FAM13B: variants seen among roughly 807,000 people sequenced by gnomAD.
FAM13B encodes family with sequence similarity 13 member B.
A neutral mutation model predicts 117.3 loss-of-function variants in FAM13B; 60 were observed. The observed-to-expected ratio is 0.51, with a 90% CI of 0.42 to 0.63. The LOEUF (loss-of-function observed/expected upper bound fraction) is 0.63, where lower values mean the gene tolerates loss of function less well. FAM13B is among the 30% of genes least tolerant of loss of function. The pLI is 0.00. For synonymous variants in FAM13B, 332 were observed against 356.1 expected (o/e 0.93, Z 0.76); for missense variants, 972 against 1,091.9 (o/e 0.89, Z 1.55).
chr5:138,037,639 T>A (rs1206818203), upstream of FAM13B, among the ~76,000 whole-genome samples: 1 of 152,122 alleles, frequency 6.6e-6, no homozygotes, highest in Non-Finnish European at 1.5e-5. Flanking sequence ...GTTGAGCCCT[T>A]CCCTTGCACC....
intron 6 of FAM13B, among the ~76,000 whole-genome samples, chr5:138,010,573 C>A (rs1581243788): frequency 6.6e-6 from 1 of 152,120 alleles, no homozygotes; most frequent in South Asian, 2.1e-4. Flanking sequence ...CCATTAGTGA[C>A]AATTATACTA....
At chr5:137,969,471 A>G (rs1771304846) in intron 10 of FAM13B, among the ~76,000 whole-genome samples, 1 of 152,252 alleles carries the variant, frequency 6.6e-6, no homozygotes, top group African/African-American at 2.4e-5. Flanking sequence ...CATCACCATC[A>G]TCAAAGGCCA....
At chr5:137,945,082 A>AC (rs1763082116) in intron 20 of FAM13B, among the ~76,000 whole-genome samples, 1 of 151,874 alleles carries the variant, frequency 6.6e-6, no homozygotes, top group Non-Finnish European at 1.5e-5. Context: ...CTGCACATAT[A>AC]CCCCTTGAAT....
At chr5:138,020,563 T>C (rs1786458018) in intron 2 of FAM13B, among the ~76,000 whole-genome samples, 1 of 152,122 alleles carries the variant, frequency 6.6e-6, no homozygotes, top group Admixed American at 6.5e-5. Context: ...AATAAACACA[T>C]TACACATTTA....
At chr5:138,051,458 T>C (rs1003643182) in intron 1 of FAM13B, among the ~76,000 whole-genome samples, 3 of 152,194 alleles carry the variant, frequency 2.0e-5, no homozygotes, top group Non-Finnish European at 4.4e-5. Flanking sequence ...AAAAGGGACT[T>C]TATGTATATT....
intron 18 of FAM13B, 34 bp from the exon 19 acceptor site, chr5:137,946,345 A>G: frequency 7.0e-7 from 1 of 1,429,336 alleles, no homozygotes; most frequent in Non-Finnish European, 9.5e-7. Context: ...CAAAATACAA[A>G]AAAAAAAAAA....
Position 137,985,325 on chromosome 5 carries a change from C to A in FAM13B, c.1111G>T (p.Ala371Ser). 1 of 1,613,794 alleles carries A rather than the reference C, an allele frequency of 6.2e-7. No homozygotes were observed. The highest frequency in any genetic ancestry group is 8.5e-7 in the Non-Finnish European group (1 of 1,179,842). Residue 371 changes from alanine (A) to serine (S), a missense_variant, in exon 10 of 24, where the codon GCT becomes TCT. Physicochemically the swap from Ala to Ser is moderately conservative, Grantham distance 99. Coordinates refer to ENST00000689681, the MANE Select transcript of FAM13B (RefSeq NM_001385994.1). ...ESNRDCSKPV[A>S]STNLDNEAMQ... ...GCTTCATTGTCTAAATTAGTGCTAG[C>A]CACAGGTTTTGAACAGTCTCTGTTA...
At chr5:138,034,432 C>CT (rs1169415099), upstream of FAM13B, among the ~76,000 whole-genome samples, 1 of 152,212 alleles carries the variant, frequency 6.6e-6, no homozygotes, top group African/African-American at 2.4e-5. Context: ...CCAAACTCAG[C>CT]TAGTAGCCTT....
rs149524297 is a variant in FAM13B, at chr5:137,977,700, A to G, written c.1179+7557T>C. The stretch of plus-strand genomic sequence containing the variant: ...GGCCTTCTCTTTCCTTTTAATTTCA[A>G]TGCAAAACTTGTGCAAAAGGCATTC... On this transcript the variant is annotated intron_variant, in intron 10 of 23. Coordinates refer to ENST00000689681, the MANE Select transcript of FAM13B (RefSeq NM_001385994.1). Among the ~76,000 whole-genome samples, 15 of 152,260 alleles carry G rather than the reference A, an allele frequency of 9.9e-5. No homozygotes were observed. The East Asian group carries it at 2.3e-3, about 23-fold the overall frequency.
At chr5:137,992,428 T>C (rs994231410) in intron 7 of FAM13B, among the ~76,000 whole-genome samples, 1 of 151,434 alleles carries the variant, frequency 6.6e-6, no homozygotes. Flanking sequence ...ACCCCGTCTC[T>C]ACTAAAAATA....
At chr5:137,943,561 C>T (rs1445876509) in intron 20 of FAM13B, among the ~76,000 whole-genome samples, 1 of 152,092 alleles carries the variant, frequency 6.6e-6, no homozygotes, top group Non-Finnish European at 1.5e-5. Context: ...CTGGCTAACA[C>T]GGTGAAAGCC....
chr5:137,945,818 T>C, intron 20 of FAM13B, 84 bp downstream of exon 20: 1 of 962,658 alleles, frequency 1.0e-6, no homozygotes, highest in Non-Finnish European at 1.6e-6. Flanking sequence ...TGTGTATTTC[T>C]CCAATATACC....
chr5:138,006,151 C>A (rs1241110736), intron 7 of FAM13B, among the ~76,000 whole-genome samples: 1 of 152,148 alleles, frequency 6.6e-6, no homozygotes, highest in Non-Finnish European at 1.5e-5. Flanking sequence ...CCCGTCTCGG[C>A]CTCCCAAAGT....
chr5:137,992,061 A>C (rs1270029804), intron 7 of FAM13B, among the ~76,000 whole-genome samples: 1 of 151,874 alleles, frequency 6.6e-6, no homozygotes, highest in African/African-American at 2.4e-5. Context: ...GTGGGACTAC[A>C]GGCACATGCC....
intron 2 of FAM13B, 149 bp from the exon 3 acceptor site, chr5:138,019,295 G>C (rs1159122559): frequency 7.8e-6 from 5 of 642,990 alleles, no homozygotes; most frequent in Non-Finnish European, 1.3e-5. Context: ...TTCTACAGAT[G>C]AAGTTCAGTA....
intron 1 of FAM13B, among the ~76,000 whole-genome samples, chr5:138,042,675 C>T (rs1356123010): frequency 6.7e-6 from 1 of 148,220 alleles, no homozygotes; most frequent in Admixed American, 6.7e-5. Context: ...CTATCATAGA[C>T]ATCATGATAC....
At chr5:138,023,583 A>G (rs973913162) in intron 1 of FAM13B, among the ~76,000 whole-genome samples, 1 of 152,130 alleles carries the variant, frequency 6.6e-6, no homozygotes, top group Non-Finnish European at 1.5e-5. Flanking sequence ...CAAACTGGCC[A>G]TAGTCTTTTT....
intron 9 of FAM13B, among the ~76,000 whole-genome samples, 156 bp downstream of exon 9, chr5:137,987,305 A>G (rs1473059650): frequency 6.6e-6 from 1 of 151,976 alleles, no homozygotes; most frequent in African/African-American, 2.4e-5. Flanking sequence ...AGTGTTAAGT[A>G]TGGATGTATA....
chr5:138,007,882 A>T (rs192105025), intron 6 of FAM13B, among the ~76,000 whole-genome samples: 1 of 152,384 alleles, frequency 6.6e-6, no homozygotes, highest in East Asian at 1.9e-4. Flanking sequence ...AACTATCTAT[A>T]GAATTGCTTA....
Sources: gnomAD v4.1 joint callset for allele counts (sites outside exome capture counted in the v4.1 genomes callset) on GRCh38, gnomAD v4.1.1 for gene constraint, MANE v1.5 for transcripts, NCBI Gene and HGNC (gene_info 2026-07-23, HGNC 2026-07-21) for gene names.